ADAMTSL1: variants seen among roughly 807,000 people sequenced by gnomAD.
ADAMTSL1 encodes ADAMTS-like protein 1.
ADAMTSL1 carries 126 observed loss-of-function variants against 201.8 expected under a neutral mutation model. The observed-to-expected ratio is 0.62, with a 90% CI of 0.54 to 0.72. ADAMTSL1 has a LOEUF of 0.72. Among genes scored for constraint, ADAMTSL1 ranks in the 30% least tolerant of loss-of-function variants. The pLI is 0.00. For synonymous variants in ADAMTSL1, 1,121 were observed against 903.4 expected, an observed-to-expected ratio of 1.24 and a Z score of -4.32; for missense variants, 2,679 against 2,277.8, an observed-to-expected ratio of 1.18 and a Z score of -3.59.
intron 1 of ADAMTSL1, among the ~76,000 whole-genome samples, chr9:18,125,304 A>G (rs1378658078): frequency 1.3e-5 from 2 of 152,160 alleles, no homozygotes; most frequent in East Asian, 3.9e-4. Flanking sequence ...TACCATGAGA[A>G]CAATGCTGGA....
intron 2 of ADAMTSL1, among the ~76,000 whole-genome samples, chr9:18,437,086 A>G (rs1819770343): frequency 6.6e-6 from 1 of 151,070 alleles, no homozygotes; most frequent in Non-Finnish European, 1.5e-5. Flanking sequence ...GTAATCTTGG[A>G]CAAGGCAATT....
chr9:18,849,495 G>C (rs887332244), intron 23 of ADAMTSL1, among the ~76,000 whole-genome samples: 1 of 152,132 alleles, frequency 6.6e-6, no homozygotes, highest in Non-Finnish European at 1.5e-5. Flanking sequence ...CTCTCTTAGC[G>C]GTGGGAACAG....
At chr9:18,654,360 AAT>A (rs1828489524) in intron 7 of ADAMTSL1, among the ~76,000 whole-genome samples, 1 of 152,236 alleles carries the variant, frequency 6.6e-6, no homozygotes, top group Non-Finnish European at 1.5e-5. Flanking sequence ...ATAAAAAGAT[AAT>A]GACTCATCTA....
intron 23 of ADAMTSL1, among the ~76,000 whole-genome samples, chr9:18,880,195 G>A (rs1358393975): frequency 6.6e-6 from 1 of 152,132 alleles, no homozygotes; most frequent in Non-Finnish European, 1.5e-5. Context: ...ATGAGGGCTA[G>A]AATCAACCTC....
At chr9:18,441,486 A>G (rs1440719966) in intron 2 of ADAMTSL1, among the ~76,000 whole-genome samples, 2 of 152,184 alleles carry the variant, frequency 1.3e-5, no homozygotes, top group African/African-American at 4.8e-5. Flanking sequence ...AAAATAAGAC[A>G]GGATTTCAGA....
At chr9:18,153,967 T>A (rs144472733) in intron 1 of ADAMTSL1, among the ~76,000 whole-genome samples, 22 of 152,170 alleles carry the variant, frequency 1.4e-4, no homozygotes, top group African/African-American at 5.3e-4. Context: ...ACAGGGAAAT[T>A]CTGGCAGCAG....
At chr9:18,432,344 G>T (rs1291438526) in intron 2 of ADAMTSL1, among the ~76,000 whole-genome samples, 1 of 152,208 alleles carries the variant, frequency 6.6e-6, no homozygotes, top group East Asian at 1.9e-4. Context: ...TGTTTGTTGA[G>T]TTAAATGTAT....
intron 2 of ADAMTSL1, among the ~76,000 whole-genome samples, chr9:18,187,277 A>G: frequency 6.6e-6 from 1 of 152,134 alleles, no homozygotes; most frequent in East Asian, 1.9e-4. Context: ...TGAAAACACA[A>G]TGTTTATCAT....
intron 17 of ADAMTSL1, among the ~76,000 whole-genome samples, chr9:18,772,505 C>T (rs1027832165): frequency 1.3e-5 from 2 of 152,112 alleles, no homozygotes; most frequent in Admixed American, 6.5e-5. Context: ...GACTCAAAGA[C>T]AGGCAAACCT....
intron 1 of ADAMTSL1, among the ~76,000 whole-genome samples, chr9:17,988,780 C>T (rs555551133): frequency 4.0e-5 from 6 of 151,758 alleles, no homozygotes; most frequent in Non-Finnish European, 5.9e-5. Flanking sequence ...ACATAGTGAA[C>T]GTGTTAGAAT....
At chr9:18,672,092 A>G (rs922254869) in intron 9 of ADAMTSL1, among the ~76,000 whole-genome samples, 2 of 152,050 alleles carry the variant, frequency 1.3e-5, no homozygotes, top group Admixed American at 6.5e-5. Flanking sequence ...TTAGGTGCCC[A>G]TGGAGTTAAC....
intron 26 of ADAMTSL1, 138 bp from the exon 27 acceptor site, chr9:18,905,644 A>G: frequency 1.5e-6 from 1 of 646,978 alleles, no homozygotes; most frequent in South Asian, 1.9e-5. Flanking sequence ...TAGTTAGCCC[A>G]AAGAGGGGAA....
At chr9:18,295,360 G>C (rs914744397) in intron 2 of ADAMTSL1, among the ~76,000 whole-genome samples, 21 of 147,204 alleles carry the variant, frequency 1.4e-4, no homozygotes, top group Non-Finnish European at 3.0e-4. Context: ...TTTTTTTTTA[G>C]ACAGAGTATC....
chr9:18,189,395 C>T lies in ADAMTSL1; in HGVS notation c.207+25414C>T, dbSNP rs1014681550. Among the ~76,000 whole-genome samples the T allele has an allele frequency of 2.6e-5, 4 of 152,136 alleles. No individual in the cohort carries two copies. The East Asian group carries it at 7.7e-4, about 29-fold the overall frequency. ...CAGCAGACTTCCCAGTTGATCTAAG[C>T]TGGTTCTATAGAAGGCTATGTGGTG... On this transcript the variant is annotated intron_variant, in intron 2 of 29. Coordinates refer to the ADAMTSL1 transcript ENST00000680146.
At position 18,411,575 on chromosome 9, in the gene ADAMTSL1, A is replaced by G. The variant is rs1818446528; in HGVS notation, c.208-93254A>G. On this transcript the variant is annotated intron_variant, in intron 2 of 29. Coordinates refer to the ADAMTSL1 transcript ENST00000680146. ...CAAAATGATTATAATATATGTATAT[A>G]ATTTCTAGATTTATTATCAGAATCG... 1.3e-5 allele frequency among the ~76,000 whole-genome samples: 2 copies of G among 152,324 alleles called. 1 individual carries two copies. Among genetic ancestry groups the G allele is most frequent in the South Asian group, 4.1e-4 (2 of 4,826 alleles).
intron 1 of ADAMTSL1, among the ~76,000 whole-genome samples, chr9:18,488,726 C>A (rs527482162): frequency 4.1e-4 from 62 of 152,276 alleles, no homozygotes; most frequent in Admixed American, 9.2e-4. Context: ...TTACTCTCTC[C>A]CTGCAAGGCT....
At chr9:17,945,861 A>G (rs1400746505) in intron 1 of ADAMTSL1, among the ~76,000 whole-genome samples, 9 of 150,340 alleles carry the variant, frequency 6.0e-5, no homozygotes, top group Non-Finnish European at 1.3e-4. Context: ...GATATACCTA[A>G]TGCTAAATGA....
At chr9:18,455,961 T>G (rs115965811) in intron 2 of ADAMTSL1, among the ~76,000 whole-genome samples, 2 of 152,140 alleles carry the variant, frequency 1.3e-5, no homozygotes, top group Non-Finnish European at 2.9e-5. Context: ...AAAATTCTTA[T>G]CTCTGACTAA....
intron 7 of ADAMTSL1, among the ~76,000 whole-genome samples, chr9:18,649,871 G>A (rs4977507): frequency 0.41 from 62,317 of 151,874 alleles, 13,109 homozygotes; most frequent in East Asian, 0.65. Context: ...CAGTCTGCCC[G>A]TTCTCAGATC....
Sources: gnomAD v4.1 joint callset for allele counts (sites outside exome capture counted in the v4.1 genomes callset) on GRCh38, gnomAD v4.1.1 for gene constraint, MANE v1.5 for transcripts, NCBI Gene and HGNC (gene_info 2026-07-23, HGNC 2026-07-21) for gene names.